LINC00632: variants seen among roughly 807,000 people sequenced by gnomAD.
LINC00632 encodes long independently transcribed non-coding RNA 632.
chrX:140,719,124 A>G (rs866587041), intron 2 of LINC00632, among the ~76,000 whole-genome samples: 3 of 112,202 alleles, frequency 2.7e-5, no homozygotes, highest in Middle Eastern at 4.6e-3. Flanking sequence ...TGTCTTCCCT[A>G]TACAACACTA....
chrX:140,732,350 G>A (rs761164640), intron 2 of LINC00632, among the ~76,000 whole-genome samples: 37 of 111,878 alleles, frequency 3.3e-4, no homozygotes, highest in Non-Finnish European at 5.4e-4. Context: ...CAGAAATACC[G>A]AAGCAGACTA....
chrX:140,759,313 CTT>C (rs1931555790), intron 3 of LINC00632, among the ~76,000 whole-genome samples: 1 of 61,755 alleles, frequency 1.6e-5, no homozygotes, highest in South Asian at 8.2e-4. Flanking sequence ...TCCTTCCTTC[CTT>C]CCTTCCTTCC....
At chrX:140,779,952 G>T (rs1931912951) in exon 5 of LINC00632, among the ~76,000 whole-genome samples, 2 of 110,808 alleles carry the variant, frequency 1.8e-5, no homozygotes, top group African/African-American at 6.6e-5. Flanking sequence ...ACAACCCCTG[G>T]GTTATTGGGT....
chrX:140,790,163 G>T (rs985429388), exon 5 of LINC00632, among the ~76,000 whole-genome samples: 5 of 111,197 alleles, frequency 4.5e-5, no homozygotes, highest in African/African-American at 1.6e-4. Context: ...CTACAGGTGT[G>T]GGCCAGTGTG....
intron 3 of LINC00632, among the ~76,000 whole-genome samples, chrX:140,771,518 T>C (rs1931791343): frequency 9.4e-6 from 1 of 106,499 alleles, no homozygotes; most frequent in Non-Finnish European, 1.9e-5. Context: ...ATGTTGATTA[T>C]GTGTCATGTT....
intron 3 of LINC00632, among the ~76,000 whole-genome samples, chrX:140,759,145 T>C (rs1419215408): frequency 9.4e-6 from 1 of 106,435 alleles, no homozygotes; most frequent in Non-Finnish European, 1.9e-5. Context: ...TGTATTTTTT[T>C]TTTTTTTAAG....
chrX:140,722,198 A>T (rs1018079048), intron 2 of LINC00632, among the ~76,000 whole-genome samples: 1 of 110,812 alleles, frequency 9.0e-6, no homozygotes, highest in Non-Finnish European at 1.9e-5. Flanking sequence ...CAGGACCTAG[A>T]CTGGCCCGAT....
chrX:140,790,985 A>AT (rs944356464), exon 5 of LINC00632, among the ~76,000 whole-genome samples: 9 of 109,745 alleles, frequency 8.2e-5, no homozygotes, highest in Middle Eastern at 4.8e-3. Flanking sequence ...GTTTGTATCT[A>AT]TTTTTTTTTC....
chrX:140,748,783 G>T (rs1332929504), intron 3 of LINC00632, among the ~76,000 whole-genome samples: 1 of 102,660 alleles, frequency 9.7e-6, no homozygotes, highest in Non-Finnish European at 2.0e-5. Flanking sequence ...AATAAAATAT[G>T]ATATATATAT....
chrX:140,715,813 A>G (rs1315211330), intron 2 of LINC00632, among the ~76,000 whole-genome samples: 4 of 111,656 alleles, frequency 3.6e-5, no homozygotes, highest in African/African-American at 9.8e-5. Flanking sequence ...ACCAAAATGC[A>G]CAGATTCACC....
At chrX:140,726,263 G>A (rs779109555) in intron 2 of LINC00632, among the ~76,000 whole-genome samples, 1 of 110,977 alleles carries the variant, frequency 9.0e-6, no homozygotes, top group African/African-American at 3.3e-5. Flanking sequence ...ACATGTCCAT[G>A]CCCCACAACG....
At chrX:140,733,352 T>C (rs956043093) in intron 2 of LINC00632, among the ~76,000 whole-genome samples, 33 of 111,223 alleles carry the variant, frequency 3.0e-4, no homozygotes, top group African/African-American at 9.2e-4. Flanking sequence ...CCCACTGAAA[T>C]GTCAAACTGT....
intron 2 of LINC00632, chrX:140,716,062 T>C (rs1409300351): frequency 8.9e-6 from 1 of 112,452 alleles, no homozygotes. Flanking sequence ...AAACTGACAG[T>C]GCACATAAAC....
intron 1 of LINC00632, among the ~76,000 whole-genome samples, chrX:140,710,724 GATAA>G (rs1475984415): frequency 3.6e-5 from 4 of 110,825 alleles, no homozygotes; most frequent in Non-Finnish European, 7.5e-5. Context: ...AAAAATGATA[GATAA>G]ATAGATTTCG....
At chrX:140,779,665 A>G (rs985893900) in exon 5 of LINC00632, among the ~76,000 whole-genome samples, 6 of 112,367 alleles carry the variant, frequency 5.3e-5, no homozygotes, top group Non-Finnish European at 1.1e-4. Flanking sequence ...AATTAGTATC[A>G]TTAGCATAAA....
At chrX:140,782,556 T>C (rs766786415) in exon 5 of LINC00632, 2 of 112,064 alleles carry the variant, frequency 1.8e-5, no homozygotes, top group African/African-American at 3.2e-5. Context: ...AATCCTCCAA[T>C]GTCTCCTATA....
chrX:140,717,664 T>C lies in LINC00632; in HGVS notation n.104+6008T>C, dbSNP rs1930657948. 3.6e-5 allele frequency among the ~76,000 whole-genome samples: 4 copies of C among 111,405 alleles called. No individual in the cohort carries two copies. The South Asian group carries it at 1.5e-3, about 42-fold the overall frequency. On this transcript the variant is annotated intron_variant and non_coding_transcript_variant, in intron 2 of 4. Transcript: ENST00000648200. Reference sequence around the variant, plus strand: ...TCAACCCACATGATATAAAACTTGCTCTACAATGGTTAAAAGCTTATATTC... The same window carrying C: ...TCAACCCACATGATATAAAACTTGCCCTACAATGGTTAAAAGCTTATATTC...
chrX:140,773,973 T>G (rs1931841888), exon 4 of LINC00632, among the ~76,000 whole-genome samples: 2 of 112,508 alleles, frequency 1.8e-5, no homozygotes, highest in South Asian at 7.4e-4. Flanking sequence ...TAATGAAGTC[T>G]GGCAGAAATT....
chrX:140,790,153 C>T (rs768757358), exon 5 of LINC00632, among the ~76,000 whole-genome samples: 29 of 111,440 alleles, frequency 2.6e-4, no homozygotes, highest in African/African-American at 8.5e-4. Context: ...GTAGCTGGGA[C>T]TACAGGTGTG....
Sources: allele counts gnomAD v4.1 joint callset (sites outside exome capture counted in the v4.1 genomes callset), GRCh38; gene constraint gnomAD v4.1.1; transcripts MANE v1.5; gene names NCBI Gene and HGNC (gene_info 2026-07-23, HGNC 2026-07-21).